Variants in ABLIM2 observed in about 807,000 individuals in gnomAD.
ABLIM2 encodes the protein actin-binding LIM protein 2.
ABLIM2 carries 53 observed loss-of-function variants against 97.7 expected under a neutral mutation model. That is an observed-to-expected ratio of 0.54 (90% confidence interval 0.44 to 0.68). The LOEUF (loss-of-function observed/expected upper bound fraction) is 0.68. Ranked by LOEUF, ABLIM2 falls within the 30% of genes least tolerant of loss-of-function variation. The pLI is 0.00. For missense variants in ABLIM2, 835 were observed against 867.2 expected (o/e 0.96, Z 0.47); for synonymous variants, 361 against 345.8 (o/e 1.04, Z -0.49).
At chr4:8,045,112 C>G (rs1418672179) in intron 9 of ABLIM2, 52 bp downstream of exon 9, 46 of 1,551,440 alleles carry the variant, frequency 3.0e-5, no homozygotes, top group Non-Finnish European at 2.8e-5. Flanking sequence ...ACCGGGCCCC[C>G]CTTCTCTCTC....
rs1303034067 is a variant in ABLIM2, at chr4:8,088,179, C to T, written c.444G>A (p.Gln148=). ...VSVGSSAHLS[Q]GLRSCGGCGT... ...TCAGCGCCCACTTACTTCGGAGGCC[C>T]TGGGACAGGTGCGCGCTGCTGCCCA... is the stretch of plus-strand genomic sequence containing the variant. The change falls in exon 4 of 21, where the codon CAG becomes CAA. Residue 148 remains glutamine (Q), a synonymous_variant. Transcript: ENST00000447017. 6.2e-7 allele frequency: 1 copy of T among 1,600,352 alleles called. No homozygotes were observed. The highest frequency in any genetic ancestry group is 2.3e-5 in the East Asian group (1 of 43,874).
chr4:8,111,553 G>A (rs1475302666), intron 1 of ABLIM2, among the ~76,000 whole-genome samples: 1 of 152,204 alleles, frequency 6.6e-6, no homozygotes, highest in Non-Finnish European at 1.5e-5. Flanking sequence ...TAGGGAAGAC[G>A]GGATGGGAGC....
rs754096718 is a variant in ABLIM2 at position 8,140,942 on chromosome 4, C to T, written c.10+17738G>A. On this transcript the variant is annotated intron_variant, in intron 1 of 20. Transcript: ENST00000447017. The surrounding 1 kb of genome is among the most constrained non-coding windows in gnomAD (Gnocchi z 5.9). ...TCTAGAACTCCTTACTCATTAAAAT[C>T]CACGGTAAAGCCTGCAGCTGTGGGC... Among the ~76,000 whole-genome samples the T allele has an allele frequency of 6.6e-6, 1 of 152,132 alleles. No homozygotes were observed. Among genetic ancestry groups the T allele is most frequent in the Non-Finnish European group, 1.5e-5 (1 of 68,024 alleles).
In ABLIM2 at chr4:8,140,585, C is replaced by T. The variant is rs371098751; in HGVS notation, c.10+18095G>A. On this transcript the variant is annotated intron_variant, in intron 1 of 20. Transcript: ENST00000447017. This position sits in a 1 kb window ranked among gnomAD's most constrained non-coding sequence, Gnocchi z 5.9. ...GCTTCAATGCCCCTTCAAAAACAAA[C>T]GCGCATTCTGTCTGTGATACCGTTA... Among the ~76,000 whole-genome samples the T allele has an allele frequency of 3.3e-5, 5 of 152,256 alleles. No homozygotes were observed. Among genetic ancestry groups the T allele is most frequent in the South Asian group, 2.1e-4 (1 of 4,826 alleles).
rs73218491 is a variant in ABLIM2 at position 8,140,875 on chromosome 4, G to A, written c.10+17805C>T. 0.26 allele frequency among the ~76,000 whole-genome samples: 40,148 copies of A among 151,852 alleles called. 7,051 individuals carry two copies. The highest frequency in any genetic ancestry group is 0.5 in the African/African-American group (20,834 of 41,298). On this transcript the variant is annotated intron_variant, in intron 1 of 20. Coordinates refer to ENST00000447017, the MANE Select transcript of ABLIM2 (RefSeq NM_001130083.2). The surrounding 1 kb of genome is among the most constrained non-coding windows in gnomAD (Gnocchi z 5.9). Reference sequence around the variant, plus strand: ...GAAGAGCTATGAAGAATTAGAAGCTGGACCAATGCAGAGGAGGCCTGGGTG... The same window carrying A: ...GAAGAGCTATGAAGAATTAGAAGCTAGACCAATGCAGAGGAGGCCTGGGTG...
In ABLIM2 at chr4:8,118,827, G is replaced by T. The variant is rs573035682; in HGVS notation, c.11-12190C>A. ...CAAATGCCCCCTCTGTACCGACAGC[G>T]TATTCACAGACAATGATTCACTCTT... On this transcript the variant is annotated intron_variant, in intron 1 of 20. Transcript: ENST00000447017. Among the ~76,000 whole-genome samples the T allele has an allele frequency of 2.6e-5, 4 of 152,350 alleles. No individual in the cohort carries two copies. In the East Asian group the frequency reaches 7.7e-4, roughly 29 times the overall value.
rs1822595063 is a variant in ABLIM2 at position 8,085,180 on chromosome 4, G to A, written c.454+2989C>T. ...GCCACGGGACTCAAGCTTGAGCTCT[G>A]CCTCAAGAGCCAGCCACTCTCCCCT... On this transcript the variant is annotated intron_variant, in intron 4 of 20. Coordinates refer to ENST00000447017, the MANE Select transcript of ABLIM2 (RefSeq NM_001130083.2). The surrounding 1 kb of genome is among the most constrained non-coding windows in gnomAD (Gnocchi z 6.1). Among the ~76,000 whole-genome samples, 1 of 152,062 alleles carries A rather than the reference G, an allele frequency of 6.6e-6. No homozygotes were observed. Among genetic ancestry groups the A allele is most frequent in the Non-Finnish European group, 1.5e-5 (1 of 67,972 alleles).
intron 6 of ABLIM2, among the ~76,000 whole-genome samples, chr4:8,063,864 T>C (rs1420065185): frequency 6.6e-6 from 1 of 152,238 alleles, no homozygotes; most frequent in African/African-American, 2.4e-5. Flanking sequence ...TGAATAAGCC[T>C]AGGCATGCCT....
chr4:8,090,637 C>T (rs989984876), intron 3 of ABLIM2, among the ~76,000 whole-genome samples: 1 of 152,172 alleles, frequency 6.6e-6, no homozygotes, highest in African/African-American at 2.4e-5. Flanking sequence ...GCCCCAGGCA[C>T]CGTGATCATC....
chr4:8,111,174 C>T (rs1840114350), intron 1 of ABLIM2, among the ~76,000 whole-genome samples: 1 of 152,220 alleles, frequency 6.6e-6, no homozygotes, highest in Non-Finnish European at 1.5e-5. Flanking sequence ...CAAAAAGAAG[C>T]ATGCCATCAC....
chr4:8,105,598 A>G (rs867605132), intron 2 of ABLIM2, among the ~76,000 whole-genome samples: 7 of 152,352 alleles, frequency 4.6e-5, no homozygotes, highest in Middle Eastern at 3.4e-3. Context: ...ACTAGGGTTC[A>G]TCGAGGGTCG....
Position 8,027,824 on chromosome 4 carries a change from A to G in ABLIM2, c.1202T>C (p.Leu401Pro). 2 of 1,600,614 alleles carry G rather than the reference A, an allele frequency of 1.2e-6. No individual in the cohort carries two copies. The highest frequency in any genetic ancestry group is 1.7e-5 in the Admixed American group (1 of 57,978). ...AGGGCTTGGGTGTTGGGACAGGGAG[A>G]GGCAGCTACTGGTACCCACACTCAC... is the stretch of plus-strand genomic sequence containing the variant. Reference protein sequence around the residue: ...GTVSVGTSSCLSLSQHPSPTS... With the variant: ...GTVSVGTSSCPSLSQHPSPTS... Residue 401 changes from leucine to proline, a missense_variant, in exon 12 of 21, where the codon CTC becomes CCC. By Grantham distance (98) the Leu-to-Pro change is moderately conservative. Coordinates refer to ENST00000447017, the MANE Select transcript of ABLIM2 (RefSeq NM_001130083.2).
At position 8,147,883 on chromosome 4, in the gene ABLIM2, A is replaced by G. The variant is rs576181093; in HGVS notation, c.10+10797T>C. Among the ~76,000 whole-genome samples, 3 of 152,362 alleles carry G rather than the reference A, an allele frequency of 2.0e-5. No individual in the cohort carries two copies. Among genetic ancestry groups the G allele is most frequent in the African/African-American group, 7.2e-5 (3 of 41,586 alleles). On this transcript the variant is annotated intron_variant, in intron 1 of 20. Coordinates refer to ENST00000447017, the MANE Select transcript of ABLIM2 (RefSeq NM_001130083.2). This position sits in a 1 kb window ranked among gnomAD's most constrained non-coding sequence, Gnocchi z 5.3. ...CTTTGCCCAGCACTCTGGTTGTGCC[A>G]TCTTCCCTGAGCGAGGCACGGACCT...
chr4:8,017,991 CAA>C lies in ABLIM2; in HGVS notation c.1423+1625_1423+1626del, dbSNP rs57785994. ...CTGGTGACAGAGCGAGACTCCGTCT[CAA>C]AAAAAAAAAAAAAAGCACAAAGACG... On this transcript the variant is annotated intron_variant, in intron 14 of 20. Coordinates refer to ENST00000447017, the MANE Select transcript of ABLIM2 (RefSeq NM_001130083.2). 9.1e-4 allele frequency among the ~76,000 whole-genome samples: 74 copies of C among 80,962 alleles called. 1 individual carries two copies. The highest frequency in any genetic ancestry group is 1.8e-3 in the African/African-American group (47 of 26,358). 53.1% of individuals were successfully genotyped at this position (80,962 alleles called of 152,430 possible).
At position 8,046,579 on chromosome 4, in the gene ABLIM2, A is replaced by C. The variant is rs1792605406; in HGVS notation, c.823-1338T>G. 6.7e-6 allele frequency among the ~76,000 whole-genome samples: 1 copy of C among 149,358 alleles called. No homozygotes were observed. Reference sequence around the variant, plus strand: ...GCCCCCACTGCAGCTCCCTCCTCTCATTTTCTGAGTAGACCCTTTTCTTGC... The same window carrying C: ...GCCCCCACTGCAGCTCCCTCCTCTCCTTTTCTGAGTAGACCCTTTTCTTGC... On this transcript the variant is annotated intron_variant, in intron 8 of 20. Coordinates refer to ENST00000447017, the MANE Select transcript of ABLIM2 (RefSeq NM_001130083.2). The surrounding 1 kb of genome is among the most constrained non-coding windows in gnomAD (Gnocchi z 4.4).
chr4:8,108,292 G>C (rs958915964), intron 1 of ABLIM2, among the ~76,000 whole-genome samples: 1 of 152,256 alleles, frequency 6.6e-6, no homozygotes, highest in Non-Finnish European at 1.5e-5. Context: ...GGCAGCCCAG[G>C]GCGGGCTTTC....
intron 6 of ABLIM2, among the ~76,000 whole-genome samples, chr4:8,073,994 G>A (rs545137413): frequency 6.7e-6 from 1 of 149,360 alleles, no homozygotes; most frequent in Non-Finnish European, 1.5e-5. Context: ...GGCTGAAGCA[G>A]GAGAATGGCT....
At chr4:8,051,201 CG>C (rs1340296045) in intron 8 of ABLIM2, among the ~76,000 whole-genome samples, 2 of 152,214 alleles carry the variant, frequency 1.3e-5, no homozygotes, top group African/African-American at 4.8e-5. Context: ...GCTGTGGCCG[CG>C]GAGCTCCCTT....
At position 8,124,509 on chromosome 4, in the gene ABLIM2, C is replaced by T. The variant is rs923949522; in HGVS notation, c.11-17872G>A. ...TTCATGCGAACGGAATCCCACACTG[C>T]GTGGTCCTTCGCGACTGGCTTCTTT... On this transcript the variant is annotated intron_variant, in intron 1 of 20. Coordinates refer to ENST00000447017, the MANE Select transcript of ABLIM2 (RefSeq NM_001130083.2). The surrounding 1 kb of genome is among the most constrained non-coding windows in gnomAD (Gnocchi z 6.1). 2.6e-5 allele frequency among the ~76,000 whole-genome samples: 4 copies of T among 152,120 alleles called. No homozygotes were observed. Among genetic ancestry groups the T allele is most frequent in the Admixed American group, 1.3e-4 (2 of 15,280 alleles).
Sources: gnomAD v4.1 joint callset for allele counts (sites outside exome capture counted in the v4.1 genomes callset) on GRCh38, gnomAD v4.1.1 for gene constraint, Gnocchi (gnomAD v3.1) non-coding constraint, MANE v1.5 for transcripts, NCBI Gene and HGNC (gene_info 2026-07-23, HGNC 2026-07-21) for gene names.